Variants in SDC2 observed in about 807,000 individuals in gnomAD.
SDC2 encodes the protein syndecan-2.
In SDC2, 13 loss-of-function variants were observed where a neutral mutation model predicts 22.2. The ratio of observed to expected loss-of-function variants is 0.59; its 90% CI spans 0.38 to 0.93. The LOEUF (loss-of-function observed/expected upper bound fraction) is 0.93, where lower values mean the gene tolerates loss of function less well. SDC2 is among the 40% of genes least tolerant of loss of function. The pLI is 0.00. For missense variants in SDC2, 235 were observed against 246.8 expected, an observed-to-expected ratio of 0.95 and a Z score of 0.32; for synonymous variants, 94 against 92.8, an observed-to-expected ratio of 1.01 and a Z score of -0.07.
intron 2 of SDC2, among the ~76,000 whole-genome samples, chr8:96,600,508 C>T (rs1355382822): frequency 6.6e-6 from 1 of 152,158 alleles, no homozygotes; most frequent in Non-Finnish European, 1.5e-5. Flanking sequence ...CCTGTTATGT[C>T]TTAGACACTA....
intron 1 of SDC2, among the ~76,000 whole-genome samples, chr8:96,509,258 C>G (rs1813294578): frequency 7.1e-6 from 1 of 141,804 alleles, no homozygotes; most frequent in Non-Finnish European, 1.6e-5. Context: ...GGGTGTCAAG[C>G]AGTAATAAGA....
chr8:96,562,068 A>G (rs1002979795), intron 1 of SDC2, among the ~76,000 whole-genome samples: 1 of 152,214 alleles, frequency 6.6e-6, no homozygotes, highest in Non-Finnish European at 1.5e-5. Context: ...AGTCATCGCC[A>G]TACTCAAGGT....
At chr8:96,517,290 A>G (rs1451062160) in intron 1 of SDC2, among the ~76,000 whole-genome samples, 4 of 152,170 alleles carry the variant, frequency 2.6e-5, no homozygotes, top group Non-Finnish European at 5.9e-5. Context: ...TTGTCTTTTC[A>G]TTCTCTTAAT....
At chr8:96,532,874 A>G (rs1170955774) in intron 1 of SDC2, among the ~76,000 whole-genome samples, 1 of 152,144 alleles carries the variant, frequency 6.6e-6, no homozygotes, top group Non-Finnish European at 1.5e-5. Context: ...TGTGCCCTAA[A>G]TGGGCCCACA....
intron 1 of SDC2, among the ~76,000 whole-genome samples, chr8:96,557,893 T>C (rs1311577048): frequency 6.6e-6 from 1 of 152,208 alleles, no homozygotes; most frequent in Non-Finnish European, 1.5e-5. Context: ...AACTCTATGC[T>C]GAGTATTTTT....
chr8:96,567,266 G>A lies in SDC2; in HGVS notation c.61-26214G>A, dbSNP rs187046948. On this transcript the variant is annotated intron_variant, in intron 1 of 4. Transcript: ENST00000302190. ...GCCTGACTTGAAGAATTCTGGTAGC[G>A]AAAGGGGAAGATTTCATACCTCTTA... Among the ~76,000 whole-genome samples the A allele has an allele frequency of 2.5e-3, 379 of 152,366 alleles. 6 individuals are homozygous for A. Among genetic ancestry groups the A allele is most frequent in the Non-Finnish European group, 3.5e-3 (240 of 68,038 alleles).
rs1815154027 is a variant in SDC2 at position 96,610,237 on chromosome 8, A to G, written c.*689A>G. On this transcript the variant is annotated 3_prime_UTR_variant, in exon 5 of 5. Transcript: ENST00000302190. ...AAAACCGTTTAGTCATATCTATCTA[A>G]TCAGATCTTCTTTTGGGAGGATTTG... The G allele has an allele frequency of 6.6e-6, 1 of 152,626 alleles. No homozygotes were observed. Among genetic ancestry groups the G allele is most frequent in the Admixed American group, 6.5e-5 (1 of 15,276 alleles). The allele number at this position is 152,626 out of a possible 1,614,324, so 9.5% of individuals were successfully genotyped here.
chr8:96,575,852 T>C (rs1412096737), intron 1 of SDC2, among the ~76,000 whole-genome samples: 2 of 152,216 alleles, frequency 1.3e-5, no homozygotes, highest in African/African-American at 4.8e-5. Flanking sequence ...TTTTTTGTTT[T>C]CCCAATGAAA....
intron 1 of SDC2, among the ~76,000 whole-genome samples, chr8:96,567,579 A>G (rs909114691): frequency 1.3e-5 from 2 of 152,128 alleles, no homozygotes; most frequent in Non-Finnish European, 2.9e-5. Flanking sequence ...CTTAGCTCCC[A>G]CTTAAGAGTA....
At chr8:96,598,759 T>G in intron 2 of SDC2, among the ~76,000 whole-genome samples, 1 of 150,242 alleles carries the variant, frequency 6.7e-6, no homozygotes, top group Non-Finnish European at 1.5e-5. Flanking sequence ...AGAGCAGGAG[T>G]TTCCCAGAGG....
intron 1 of SDC2, among the ~76,000 whole-genome samples, chr8:96,517,772 TGTGTGTGTGTGTGTG>T (rs1813427771): frequency 8.2e-5 from 1 of 12,246 alleles, no homozygotes; most frequent in East Asian, 1.9e-3. Context: ...TGTGTGTGCA[TGTGTGTGTGTGTGTG>T]TGTGTGTGTG....
At chr8:96,523,207 G>A (rs1010640752) in intron 1 of SDC2, among the ~76,000 whole-genome samples, 16 of 152,052 alleles carry the variant, frequency 1.1e-4, no homozygotes, top group African/African-American at 2.2e-4. Context: ...CTAAAATCCC[G>A]CACTGTTCAG....
intron 1 of SDC2, among the ~76,000 whole-genome samples, chr8:96,505,206 A>C (rs528609273): frequency 2.8e-4 from 42 of 152,328 alleles, no homozygotes; most frequent in African/African-American, 1.0e-3. Flanking sequence ...CTTGCATACA[A>C]GTTGGAAATT....
intron 4 of SDC2, 96 bp from the exon 5 acceptor site, chr8:96,609,289 T>C: frequency 9.7e-7 from 1 of 1,027,990 alleles, no homozygotes; most frequent in Non-Finnish European, 1.3e-6. Context: ...AAATTAAGCC[T>C]TTTATAAAAG....
rs1586331397 is a variant in SDC2, at chr8:96,610,584, T to C, written c.*1036T>C. On this transcript the variant is annotated 3_prime_UTR_variant, in exon 5 of 5. Coordinates refer to ENST00000302190, the MANE Select transcript of SDC2 (RefSeq NM_002998.4). Reference sequence around the variant, plus strand: ...ACTTTTGTAGTCTTATGAATAGACATAAATTGTAATTTGGGAACATAAAAA... The same window carrying C: ...ACTTTTGTAGTCTTATGAATAGACACAAATTGTAATTTGGGAACATAAAAA... The C allele has an allele frequency of 6.5e-6, 1 of 152,778 alleles. No individual in the cohort carries two copies. Among genetic ancestry groups the C allele is most frequent in the African/African-American group, 2.4e-5 (1 of 41,584 alleles). The allele number at this position is 152,778 out of a possible 1,614,324, so 9.5% of individuals were successfully genotyped here.
chr8:96,533,097 C>T lies in SDC2; in HGVS notation c.60+38766C>T, dbSNP rs116216839. Among the ~76,000 whole-genome samples, 76 of 152,222 alleles carry T rather than the reference C, an allele frequency of 5.0e-4. No individual in the cohort carries two copies. In the South Asian group the frequency reaches 0.014, roughly 28 times the overall value. The stretch of plus-strand genomic sequence containing the variant: ...TTTCCTTCTGGTGGGTGCTTGGTCT[C>T]GCTGGCTTCAGGAGTGAAGCTGCAG... On this transcript the variant is annotated intron_variant, in intron 1 of 4. Transcript: ENST00000302190.
chr8:96,508,543 A>G (rs941827482), intron 1 of SDC2, among the ~76,000 whole-genome samples: 1 of 101,984 alleles, frequency 9.8e-6, no homozygotes, highest in Non-Finnish European at 2.5e-5. Flanking sequence ...TCATAACACA[A>G]ATGTATTTGA....
intron 1 of SDC2, among the ~76,000 whole-genome samples, chr8:96,557,602 A>C (rs1412945870): frequency 6.7e-6 from 1 of 149,612 alleles, no homozygotes. Flanking sequence ...AGGAAGGGGA[A>C]TATCACACTC....
intron 3 of SDC2, among the ~76,000 whole-genome samples, chr8:96,607,429 T>G (rs192799269): frequency 1.3e-5 from 2 of 152,102 alleles, no homozygotes; most frequent in African/African-American, 4.8e-5. Flanking sequence ...GGAAAACATA[T>G]GATAGAAAAT....
Sources: gnomAD v4.1 joint callset for allele counts (sites outside exome capture counted in the v4.1 genomes callset) on GRCh38, gnomAD v4.1.1 for gene constraint, MANE v1.5 for transcripts, NCBI Gene and HGNC (gene_info 2026-07-23, HGNC 2026-07-21) for gene names.